The following PKNOX2 variants were observed in gnomAD, a reference collection of about 807,000 sequenced individuals.
The protein encoded by PKNOX2 is PBX/knotted 1 homeobox 2, also known as homeobox protein PKNOX2.
PKNOX2 carries 14 observed loss-of-function variants against 53.1 expected under a neutral mutation model. That is an observed-to-expected ratio of 0.26 (90% CI 0.17 to 0.41). The LOEUF is 0.41. Ranked by LOEUF, PKNOX2 falls within the 10% of genes least tolerant of loss-of-function variation. PKNOX2 has a pLI of 1.00. For missense variants in PKNOX2, 496 were observed against 602.8 expected (o/e 0.82, Z 1.85); for synonymous variants, 257 against 242.8 (o/e 1.06, Z -0.54).
rs574668058 is a variant in PKNOX2 at position 125,370,498 on chromosome 11, C to T, written c.227+2513C>T. Among the ~76,000 whole-genome samples, 6 of 152,346 alleles carry T rather than the reference C, an allele frequency of 3.9e-5. No individual in the cohort carries two copies. In the South Asian group the frequency reaches 1.0e-3, roughly 26 times the overall value. On this transcript the variant is annotated intron_variant, in intron 5 of 12. Transcript: ENST00000298282. This position sits in a 1 kb window ranked among gnomAD's most constrained non-coding sequence, Gnocchi z 4.1. ...ATCTTCTCCCACCGGGCTAACCACC[C>T]GCAACCCTTGGTGTTTGCCCAAAGT...
At chr11:125,402,681 G>A (rs1214005535) in intron 7 of PKNOX2, among the ~76,000 whole-genome samples, 2 of 152,166 alleles carry the variant, frequency 1.3e-5, no homozygotes, top group Non-Finnish European at 2.9e-5. Flanking sequence ...AGGGTCAAGA[G>A]TACAGAGGAA....
intron 1 of PKNOX2, among the ~76,000 whole-genome samples, chr11:125,233,360 T>C (rs951015978): frequency 2.0e-5 from 3 of 152,220 alleles, no homozygotes; most frequent in Admixed American, 2.0e-4. Flanking sequence ...CAAGTTCATA[T>C]CATGCTCAGT....
At chr11:125,386,915 G>GA (rs1953677657) in intron 6 of PKNOX2, among the ~76,000 whole-genome samples, 3 of 152,156 alleles carry the variant, frequency 2.0e-5, no homozygotes, top group African/African-American at 7.2e-5. Flanking sequence ...ATGATGGGTG[G>GA]AGTGTTTGAA....
At chr11:125,329,853 C>T (rs1456098636) in intron 2 of PKNOX2, among the ~76,000 whole-genome samples, 2 of 152,076 alleles carry the variant, frequency 1.3e-5, no homozygotes, top group African/African-American at 4.8e-5. Context: ...GAAAGGCAGT[C>T]GGGGCCAGCT....
chr11:125,231,247 G>A (rs1942183445), intron 1 of PKNOX2, among the ~76,000 whole-genome samples: 1 of 152,166 alleles, frequency 6.6e-6, no homozygotes, highest in South Asian at 2.1e-4. Flanking sequence ...ACCTGGATAT[G>A]TTTCATAGAT....
rs115935434 is a variant in PKNOX2 at position 125,171,870 on chromosome 11, A to T, written c.-201+7094A>T. On this transcript the variant is annotated intron_variant, in intron 1 of 12. Coordinates refer to ENST00000298282, the MANE Select transcript of PKNOX2 (RefSeq NM_001382323.2). ...TGGGGATGAGGGGTGTCTGGGGTTAACAGTAGAGAGGGCACATACAATACA... is the reference window on the plus strand; with the variant it reads ...TGGGGATGAGGGGTGTCTGGGGTTATCAGTAGAGAGGGCACATACAATACA... 2.4e-3 allele frequency among the ~76,000 whole-genome samples: 364 copies of T among 152,342 alleles called. 1 individual carries two copies. Among genetic ancestry groups the T allele is most frequent in the African/African-American group, 8.5e-3 (353 of 41,584 alleles).
At chr11:125,316,248 G>A (rs541843089) in intron 2 of PKNOX2, among the ~76,000 whole-genome samples, 9 of 152,310 alleles carry the variant, frequency 5.9e-5, no homozygotes, top group African/African-American at 2.2e-4. Context: ...ATCCGCATCT[G>A]TTGCCTGTCT....
chr11:125,254,771 A>G (rs951617262), intron 2 of PKNOX2, among the ~76,000 whole-genome samples: 4 of 151,974 alleles, frequency 2.6e-5, no homozygotes, highest in Admixed American at 2.0e-4. Context: ...CCCTGTTCCC[A>G]CCTCACCTTC....
intron 1 of PKNOX2, among the ~76,000 whole-genome samples, chr11:125,200,905 G>A (rs187200526): frequency 5.3e-5 from 8 of 152,282 alleles, no homozygotes; most frequent in East Asian, 3.9e-4. Flanking sequence ...CCTCTAGACC[G>A]TGTGATCCTC....
intron 3 of PKNOX2, among the ~76,000 whole-genome samples, chr11:125,344,590 C>T (rs1046316373): frequency 2.0e-5 from 3 of 152,188 alleles, no homozygotes; most frequent in Non-Finnish European, 2.9e-5. Context: ...ACACCAGCAT[C>T]GTGATATTAG....
At chr11:125,402,225 C>T (rs1392524268) in intron 7 of PKNOX2, among the ~76,000 whole-genome samples, 3 of 152,036 alleles carry the variant, frequency 2.0e-5, no homozygotes, top group Admixed American at 6.5e-5. Context: ...GCTAGATTTT[C>T]CCCCTCCCTA....
rs536798316 is a variant in PKNOX2 at position 125,418,498 on chromosome 11, G to A, written c.936+6633G>A. Among the ~76,000 whole-genome samples, 28 of 152,060 alleles carry A rather than the reference G, an allele frequency of 1.8e-4. 1 individual carries two copies. The highest frequency in any genetic ancestry group is 6.5e-4 in the African/African-American group (27 of 41,338). On this transcript the variant is annotated intron_variant, in intron 10 of 12. Coordinates refer to ENST00000298282, the MANE Select transcript of PKNOX2 (RefSeq NM_001382323.2). The stretch of plus-strand genomic sequence containing the variant: ...CCCCAGCCTGAGAACCTCACATGCC[G>A]GGCTCCTTCTGGCTGGGGGGAGGCA...
intron 1 of PKNOX2, among the ~76,000 whole-genome samples, chr11:125,210,372 T>G (rs1277569681): frequency 1.3e-5 from 2 of 152,134 alleles, no homozygotes; most frequent in Non-Finnish European, 2.9e-5. Context: ...CCCATGCTTT[T>G]CTTCTGAGTC....
intron 2 of PKNOX2, among the ~76,000 whole-genome samples, chr11:125,293,962 GA>G (rs927656750): frequency 1.3e-4 from 20 of 151,332 alleles, no homozygotes; most frequent in African/African-American, 4.4e-4. Context: ...ATTGAAGGAG[GA>G]AAAAAAAATC....
intron 1 of PKNOX2, among the ~76,000 whole-genome samples, chr11:125,167,416 C>T (rs1954970445): frequency 6.6e-6 from 1 of 152,084 alleles, no homozygotes; most frequent in South Asian, 2.1e-4. Context: ...GTTTTGTAGG[C>T]TTGGAATTCG....
chr11:125,227,232 T>C (rs1428676169), intron 1 of PKNOX2, among the ~76,000 whole-genome samples: 2 of 152,182 alleles, frequency 1.3e-5, no homozygotes, highest in African/African-American at 4.8e-5. Context: ...GGTTGCTAGA[T>C]GGTGCATGTC....
At chr11:125,346,212 G>T (rs1950962853) in intron 3 of PKNOX2, among the ~76,000 whole-genome samples, 1 of 151,990 alleles carries the variant, frequency 6.6e-6, no homozygotes, top group Non-Finnish European at 1.5e-5. Flanking sequence ...TAACCTGGGG[G>T]CGTCTGGGCT....
At chr11:125,182,485 C>T (rs538073479) in intron 1 of PKNOX2, among the ~76,000 whole-genome samples, 2 of 152,190 alleles carry the variant, frequency 1.3e-5, no homozygotes, top group Non-Finnish European at 2.9e-5. Context: ...AATGTCTTAA[C>T]TTGAGCCTCA....
intron 2 of PKNOX2, among the ~76,000 whole-genome samples, chr11:125,274,502 C>T (rs1438792872): frequency 6.6e-6 from 1 of 152,218 alleles, no homozygotes; most frequent in Non-Finnish European, 1.5e-5. Flanking sequence ...AAACCGTGGC[C>T]TTTTGTTTGT....
Sources: gnomAD v4.1 joint callset for allele counts (sites outside exome capture counted in the v4.1 genomes callset) on GRCh38, gnomAD v4.1.1 for gene constraint, Gnocchi (gnomAD v3.1) non-coding constraint, MANE v1.5 for transcripts, NCBI Gene and HGNC (gene_info 2026-07-23, HGNC 2026-07-21) for gene names.